RAB5A: variants seen among roughly 807,000 people sequenced by gnomAD.
RAB5A encodes the protein ras-related protein Rab-5A.
A neutral mutation model predicts 25.7 loss-of-function variants in RAB5A; 8 were observed. That is an observed-to-expected ratio of 0.31 (90% CI 0.18 to 0.56). The LOEUF is 0.56. RAB5A is among the 20% of genes least tolerant of loss of function. RAB5A has a pLI of 0.91. For synonymous variants in RAB5A, 98 were observed against 89.8 expected, an observed-to-expected ratio of 1.09 and a Z score of -0.52; for missense variants, 192 against 259.7, an observed-to-expected ratio of 0.74 and a Z score of 1.79.
intron 2 of RAB5A, among the ~76,000 whole-genome samples, chr3:19,951,522 G>A (rs1696421813): frequency 6.6e-6 from 1 of 152,088 alleles, no homozygotes; most frequent in Non-Finnish European, 1.5e-5. Flanking sequence ...AATACTGCTA[G>A]ATGTACTTTT....
chr3:19,951,703 T>TTTTTTTTTTG (rs974982367), intron 2 of RAB5A, among the ~76,000 whole-genome samples: 3 of 75,982 alleles, frequency 3.9e-5, no homozygotes, highest in Non-Finnish European at 1.1e-4. Flanking sequence ...CCAGGCAAGT[T>TTTTTTTTTTG]TTTTTTTTTT....
chr3:19,975,208 T>C (rs1383250637), intron 2 of RAB5A, among the ~76,000 whole-genome samples: 1 of 136,600 alleles, frequency 7.3e-6, no homozygotes, highest in Non-Finnish European at 1.6e-5. Context: ...TCTGAGACTC[T>C]TGTATCAAAA....
At chr3:19,962,695 T>C (rs1013116298) in intron 2 of RAB5A, among the ~76,000 whole-genome samples, 2 of 152,268 alleles carry the variant, frequency 1.3e-5, no homozygotes, top group African/African-American at 2.4e-5. Context: ...GTTTTAGATA[T>C]GCACATTGTT....
intron 2 of RAB5A, among the ~76,000 whole-genome samples, chr3:19,958,255 T>C (rs1172938132): frequency 6.6e-6 from 1 of 152,214 alleles, no homozygotes; most frequent in Non-Finnish European, 1.5e-5. Context: ...AATAATAATA[T>C]CTTTGTTCAT....
At position 19,983,928 on chromosome 3, in the gene RAB5A, T is replaced by G; in HGVS notation, c.*105T>G. 1 of 763,218 alleles carries G rather than the reference T, an allele frequency of 1.3e-6. No homozygotes were observed. Among genetic ancestry groups the G allele is most frequent in the Non-Finnish European group, 2.2e-6 (1 of 465,074 alleles). The allele number at this position is 763,218 out of a possible 1,614,324, so 47.3% of individuals were successfully genotyped here. A position where few individuals can be genotyped will look rare whatever the true frequency, so the allele number is the denominator to read the frequency against. On this transcript the variant is annotated 3_prime_UTR_variant, in exon 6 of 6. Transcript: ENST00000273047. ...CAGTATGACTTCCAAAAGAAGAGAC[T>G]TATGATAGAGTCAAGTTTCTAATAC...
chr3:19,959,858 C>T (rs1441009697), intron 2 of RAB5A, among the ~76,000 whole-genome samples: 1 of 152,062 alleles, frequency 6.6e-6, no homozygotes, highest in Non-Finnish European at 1.5e-5. Context: ...AACTCCTGAC[C>T]TCAAGTGATC....
chr3:19,976,574 A>G (rs1408381760), intron 4 of RAB5A, among the ~76,000 whole-genome samples: 1 of 152,206 alleles, frequency 6.6e-6, no homozygotes, highest in African/African-American at 2.4e-5. Context: ...AATCCCAGCT[A>G]CTTGGGAGGC....
At chr3:19,970,421 GTTAC>G in intron 2 of RAB5A, 1 of 389,836 alleles carries the variant, frequency 2.6e-6, no homozygotes, top group South Asian at 1.8e-5. Flanking sequence ...AGGCTGAAAT[GTTAC>G]TTGCTTGCTG....
intron 1 of RAB5A, among the ~76,000 whole-genome samples, chr3:19,949,931 A>T (rs1306001240): frequency 6.6e-6 from 1 of 151,900 alleles, no homozygotes; most frequent in Non-Finnish European, 1.5e-5. Context: ...TCAGCTACTC[A>T]GGAGGTTGAG....
chr3:19,975,546 A>C (rs1279907035), intron 2 of RAB5A, 55 bp from the exon 3 acceptor site: 1 of 1,556,730 alleles, frequency 6.4e-7, no homozygotes, highest in Admixed American at 1.8e-5. Context: ...TGTTTTCTAT[A>C]TTATGAAAAC....
intron 5 of RAB5A, among the ~76,000 whole-genome samples, chr3:19,980,335 A>G (rs1415248489): frequency 6.6e-6 from 1 of 152,158 alleles, no homozygotes; most frequent in Non-Finnish European, 1.5e-5. Context: ...AGCAGCCTAC[A>G]TATTTTAGTT....
At chr3:19,966,110 G>A (rs918054744) in intron 2 of RAB5A, among the ~76,000 whole-genome samples, 1 of 152,126 alleles carries the variant, frequency 6.6e-6, no homozygotes, top group Non-Finnish European at 1.5e-5. Context: ...CAGTTGAGTG[G>A]TATTAGGTAC....
intron 1 of RAB5A, 110 bp downstream of exon 1, chr3:19,947,631 C>T (rs1696340970): frequency 6.6e-6 from 1 of 152,628 alleles, no homozygotes; most frequent in Non-Finnish European, 1.5e-5. Context: ...ACCCCTTCTC[C>T]CTCACGCGCA....
At chr3:19,947,837 A>T (rs1344420320) in intron 1 of RAB5A, 3 of 152,530 alleles carry the variant, frequency 2.0e-5, no homozygotes, top group African/African-American at 7.2e-5. Flanking sequence ...CCGTCCTGGC[A>T]GTCCTGGGGG....
At chr3:19,958,190 T>G (rs1268953762) in intron 2 of RAB5A, among the ~76,000 whole-genome samples, 1 of 152,248 alleles carries the variant, frequency 6.6e-6, no homozygotes, top group East Asian at 1.9e-4. Context: ...TCATTCTACT[T>G]TCTGATACAT....
chr3:19,972,259 T>C (rs1442037392), intron 2 of RAB5A, among the ~76,000 whole-genome samples: 2 of 152,248 alleles, frequency 1.3e-5, no homozygotes, highest in East Asian at 3.8e-4. Context: ...AAATATCTCA[T>C]TATGCAAATA....
chr3:19,964,378 A>AT (rs1234445945), intron 2 of RAB5A, among the ~76,000 whole-genome samples: 6 of 151,888 alleles, frequency 4.0e-5, no homozygotes, highest in Non-Finnish European at 7.4e-5. Flanking sequence ...GTACCCTGTC[A>AT]TTTTTTTAAA....
intron 2 of RAB5A, among the ~76,000 whole-genome samples, chr3:19,969,206 G>A (rs1422624753): frequency 2.0e-5 from 3 of 151,736 alleles, no homozygotes; most frequent in South Asian, 2.1e-4. Flanking sequence ...ATCCACGTCC[G>A]GCTAATTTTT....
chr3:19,948,088 G>C (rs1250935683), intron 1 of RAB5A, among the ~76,000 whole-genome samples: 9 of 152,156 alleles, frequency 5.9e-5, no homozygotes. Context: ...CTTGTTTTCT[G>C]TTTGGAAGGT....
Sources: gnomAD v4.1 joint callset for allele counts (sites outside exome capture counted in the v4.1 genomes callset) on GRCh38, gnomAD v4.1.1 for gene constraint, MANE v1.5 for transcripts, NCBI Gene and HGNC (gene_info 2026-07-23, HGNC 2026-07-21) for gene names.